Variants in SOX1 observed in about 807,000 individuals in gnomAD.
SOX1 encodes the protein transcription factor SOX-1.
A neutral mutation model predicts 0.9 loss-of-function variants in SOX1; 1 was observed. The observed-to-expected ratio is 1.07, with a 90% CI of 0.38 to 5.06. SOX1 has a LOEUF of 5.06. SOX1 is among the 30% of genes most tolerant of loss of function. The probability of loss-of-function intolerance (pLI) is 0.16; values close to 1 mark genes in which losing one functional copy is unlikely to be tolerated. For missense variants in SOX1, 564 were observed against 534.4 expected (o/e 1.06, Z -0.55); for synonymous variants, 397 against 265.5 (o/e 1.50, Z -4.81).
rs990919941 is a variant in SOX1, at chr13:112,068,229, G to T, written c.571G>T (p.Ala191Ser). Residue 191 changes from alanine to serine, a missense_variant, in exon 1 of 1, where the codon GCC (alanine) becomes TCC (serine). Transcript: ENST00000330949. This position sits in a 1 kb window ranked among gnomAD's most constrained non-coding sequence, Gnocchi z 6.9. ...GCACGTCAACGGCTGGGCCAACGGC[G>T]CCTACCCCGGCTCGGTGGCGGCGGC... is the stretch of plus-strand genomic sequence containing the variant. ...YAHVNGWANG[A>S]YPGSVAAAAA... The T allele has an allele frequency of 1.3e-6, 1 of 747,226 alleles. No individual in the cohort carries two copies. The allele number at this position is 747,226 out of a possible 1,614,324, so 46.3% of individuals were successfully genotyped here. A position where few individuals can be genotyped will look rare whatever the true frequency, so the allele number is the denominator to read the frequency against.
In SOX1 at chr13:112,071,520, C is replaced by T. The variant is rs745352809; in HGVS notation, c.*2686C>T. 6.6e-6 allele frequency among the ~76,000 whole-genome samples: 1 copy of T among 152,112 alleles called. No individual in the cohort carries two copies. The highest frequency in any genetic ancestry group is 1.5e-5 in the Non-Finnish European group (1 of 68,014). ...ATCTCAGGATTGAGATTCTATCCCC[C>T]CTTCCCCGCCCCCAGCAGTGTCGCT... On this transcript the variant is annotated 3_prime_UTR_variant, in exon 1 of 1. Transcript: ENST00000330949.
rs1290183508 is a variant in SOX1 at position 112,068,676 on chromosome 13, C to T, written c.1018C>T (p.Leu340=). The change falls in exon 1 of 1, where the codon CTG becomes TTG. Residue 340 remains leucine, a synonymous_variant. Transcript: ENST00000330949. This position sits in a 1 kb window ranked among gnomAD's most constrained non-coding sequence, Gnocchi z 6.9. ...AHSRAPCPGD[L]REMISMYLPA... Reference sequence around the variant, plus strand: ...CTCGCGGGCGCCGTGCCCCGGGGACCTGCGCGAGATGATCAGCATGTACTT... The same window carrying T: ...CTCGCGGGCGCCGTGCCCCGGGGACTTGCGCGAGATGATCAGCATGTACTT... 8.5e-7 allele frequency: 1 copy of T among 1,172,482 alleles called. No individual in the cohort carries two copies. The highest frequency in any genetic ancestry group is 1.1e-6 in the Non-Finnish European group (1 of 950,020). 72.6% of individuals were successfully genotyped at this position (1,172,482 alleles called of 1,614,324 possible).
In SOX1 at chr13:112,068,399, C is replaced by G; in HGVS notation, c.741C>G (p.His247Gln). 7.6e-7 allele frequency: 1 copy of G among 1,308,846 alleles called. No homozygotes were observed. The allele number at this position is 1,308,846 out of a possible 1,614,324, so 81.1% of individuals were successfully genotyped here. ...ACCCGCACAACCCGCAGCCCATGCA[C>G]CGCTACGACATGGGCGCGCTGCAGT... ...HAHPHNPQPM[H>Q]RYDMGALQYS... Residue 247 changes from histidine (H) to glutamine (Q), a missense_variant, in exon 1 of 1, where the codon CAC (histidine) becomes CAG (glutamine). Coordinates refer to ENST00000330949, the MANE Select transcript of SOX1 (RefSeq NM_005986.3). The surrounding 1 kb of genome is among the most constrained non-coding windows in gnomAD (Gnocchi z 6.9).
chr13:112,068,275 T>A lies in SOX1; in HGVS notation c.617T>A (p.Met206Lys). 1.2e-6 allele frequency: 1 copy of A among 826,372 alleles called. No homozygotes were observed. The highest frequency in any genetic ancestry group is 1.5e-6 in the Non-Finnish European group (1 of 680,858). 51.2% of individuals were successfully genotyped at this position (826,372 alleles called of 1,614,324 possible). A position where few individuals can be genotyped will look rare whatever the true frequency, so the allele number is the denominator to read the frequency against. The stretch of plus-strand genomic sequence containing the variant: ...GCGGCGGCGGCGGCCGCGGCCATGA[T>A]GCAGGAGGCGCAGCTGGCCTACGGG... ...VAAAAAAAAM[M>K]QEAQLAYGQH... The change falls in exon 1 of 1, where the codon ATG (methionine) becomes AAG (lysine). Residue 206 changes from methionine (M) to lysine (K), a missense_variant. Transcript: ENST00000330949. This position sits in a 1 kb window ranked among gnomAD's most constrained non-coding sequence, Gnocchi z 6.9.
In SOX1 at chr13:112,068,618, G is replaced by C; in HGVS notation, c.960G>C (p.Ser320=). 4.4e-6 allele frequency: 5 copies of C among 1,142,152 alleles called. No individual in the cohort carries two copies. The allele number at this position is 1,142,152 out of a possible 1,614,324, so 70.8% of individuals were successfully genotyped here. A position where few individuals can be genotyped will look rare whatever the true frequency, so the allele number is the denominator to read the frequency against. ...GCGCGCTGGGCTCTCTGGTGAAGTC[G>C]GAGCCCAGCGGCAGCCCGCCCGCCC... is the stretch of plus-strand genomic sequence containing the variant. ...ALGALGSLVK[S]EPSGSPPAPA... is the part of the protein sequence containing the mutation. The change falls in exon 1 of 1, where the codon TCG becomes TCC. Residue 320 remains serine, a synonymous_variant. Coordinates refer to ENST00000330949, the MANE Select transcript of SOX1 (RefSeq NM_005986.3). This position sits in a 1 kb window ranked among gnomAD's most constrained non-coding sequence, Gnocchi z 6.9.
In SOX1 at chr13:112,070,756, T is replaced by A. The variant is rs1310502002; in HGVS notation, c.*1922T>A. ...GCTGATCTGACAATTGACGTGTAAT[T>A]TGGGAAGTCATTTTGATAATTTTGC... On this transcript the variant is annotated 3_prime_UTR_variant, in exon 1 of 1. Coordinates refer to ENST00000330949, the MANE Select transcript of SOX1 (RefSeq NM_005986.3). Among the ~76,000 whole-genome samples, 1 of 152,236 alleles carries A rather than the reference T, an allele frequency of 6.6e-6. No homozygotes were observed. Among genetic ancestry groups the A allele is most frequent in the Non-Finnish European group, 1.5e-5 (1 of 68,050 alleles).
rs928031310 is a variant in SOX1 at position 112,069,423 on chromosome 13, C to CT, written c.*592dup. The CT allele has an allele frequency of 2.0e-4, 33 of 166,722 alleles. No homozygotes were observed. The Admixed American group carries it at 2.0e-3, about 10-fold the overall frequency. The allele number at this position is 166,722 out of a possible 1,614,324, so 10.3% of individuals were successfully genotyped here. On this transcript the variant is annotated 3_prime_UTR_variant, in exon 1 of 1. Coordinates refer to ENST00000330949, the MANE Select transcript of SOX1 (RefSeq NM_005986.3). ...GAGTTATATTCTGGGTTTTGTAAAA[C>CT]TTTATGTATCTGAGCATTTCCATTT...
Position 112,071,542 on chromosome 13 carries a change from C to CCA in SOX1, c.*2708_*2709insCA, listed in dbSNP as rs563517609. 3.2e-4 allele frequency among the ~76,000 whole-genome samples: 48 copies of CCA among 152,084 alleles called. No individual in the cohort carries two copies. Among genetic ancestry groups the CCA allele is most frequent in the Admixed American group, 2.9e-3 (44 of 15,280 alleles). ...CCCCCTTCCCCGCCCCCAGCAGTGT[C>CCA]GCTCCAATTCAAATTAGTGGAGAAA... is the stretch of plus-strand genomic sequence containing the variant. On this transcript the variant is annotated 3_prime_UTR_variant, in exon 1 of 1. Coordinates refer to ENST00000330949, the MANE Select transcript of SOX1 (RefSeq NM_005986.3).
At position 112,068,234 on chromosome 13, in the gene SOX1, C is replaced by G; in HGVS notation, c.576C>G (p.Tyr192Ter). 1.4e-6 allele frequency: 1 copy of G among 732,700 alleles called. No individual in the cohort carries two copies. Among genetic ancestry groups the G allele is most frequent in the Non-Finnish European group, 1.7e-6 (1 of 595,496 alleles). 45.4% of individuals were successfully genotyped at this position (732,700 alleles called of 1,614,324 possible). ...AHVNGWANGA[Y>*]PGSVAAAAAA... is the part of the protein sequence containing the mutation. Reference sequence around the variant, plus strand: ...TCAACGGCTGGGCCAACGGCGCCTACCCCGGCTCGGTGGCGGCGGCGGCGG... The same window carrying G: ...TCAACGGCTGGGCCAACGGCGCCTAGCCCGGCTCGGTGGCGGCGGCGGCGG... Residue 192 changes from tyrosine (Y) to a stop codon, truncating the protein, a stop_gained, in exon 1 of 1, where the codon TAC (tyrosine) becomes TAG (stop). Coordinates refer to ENST00000330949, the MANE Select transcript of SOX1 (RefSeq NM_005986.3). LOFTEE classifies it low-confidence loss of function (END_TRUNC). This position sits in a 1 kb window ranked among gnomAD's most constrained non-coding sequence, Gnocchi z 6.9.
In SOX1 at chr13:112,068,642, C is replaced by G; in HGVS notation, c.984C>G (p.Ala328=). ...VKSEPSGSPP[A]PAHSRAPCPG... is the part of the protein sequence containing the mutation. ...CGGAGCCCAGCGGCAGCCCGCCCGC[C>G]CCAGCGCACTCGCGGGCGCCGTGCC... is the stretch of plus-strand genomic sequence containing the variant. Residue 328 remains alanine, a synonymous_variant, in exon 1 of 1, where the codon GCC becomes GCG. Coordinates refer to ENST00000330949, the MANE Select transcript of SOX1 (RefSeq NM_005986.3). The surrounding 1 kb of genome is among the most constrained non-coding windows in gnomAD (Gnocchi z 6.9). The G allele has an allele frequency of 1.7e-6, 2 of 1,159,014 alleles. No homozygotes were observed. Among genetic ancestry groups the G allele is most frequent in the South Asian group, 4.2e-5 (1 of 23,714 alleles). The allele number at this position is 1,159,014 out of a possible 1,614,324, so 71.8% of individuals were successfully genotyped here.
In SOX1 at chr13:112,068,293, C is replaced by A; in HGVS notation, c.635C>A (p.Ala212Asp). Residue 212 changes from alanine to aspartate, a missense_variant, in exon 1 of 1, where the codon GCC (alanine) becomes GAC (aspartate). By Grantham distance (126) the Ala-to-Asp change is moderately radical (BLOSUM62 -2). Transcript: ENST00000330949. The surrounding 1 kb of genome is among the most constrained non-coding windows in gnomAD (Gnocchi z 6.9). Reference protein sequence around the residue: ...AAAMMQEAQLAYGQHPGAGGA... With the variant: ...AAAMMQEAQLDYGQHPGAGGA... ...GCCATGATGCAGGAGGCGCAGCTGG[C>A]CTACGGGCAGCACCCGGGCGCGGGC... is the stretch of plus-strand genomic sequence containing the variant. 1.0e-6 allele frequency: 1 copy of A among 974,322 alleles called. No individual in the cohort carries two copies. The allele number at this position is 974,322 out of a possible 1,614,324, so 60.4% of individuals were successfully genotyped here. A position where few individuals can be genotyped will look rare whatever the true frequency, so the allele number is the denominator to read the frequency against.
rs1880805141 is a variant in SOX1 at position 112,068,770 on chromosome 13, T to C, written c.1112T>C (p.Leu371Pro). 11 of 1,212,804 alleles carry C rather than the reference T, an allele frequency of 9.1e-6. No individual in the cohort carries two copies. In the Admixed American group the frequency reaches 1.3e-4, roughly 15 times the overall value. 75.1% of individuals were successfully genotyped at this position (1,212,804 alleles called of 1,614,324 possible). ...AAAAQSRLHS[L>P]PQHYQGAGAG... is the part of the protein sequence containing the mutation. ...GCGGCGCAGAGCCGGCTGCACTCGC[T>C]GCCGCAGCACTACCAGGGCGCGGGC... is the stretch of plus-strand genomic sequence containing the variant. The change falls in exon 1 of 1, where the codon CTG (leucine) becomes CCG (proline). Residue 371 changes from leucine (L) to proline (P), a missense_variant. Physicochemically the swap from Leu to Pro is moderately conservative, Grantham distance 98. Coordinates refer to ENST00000330949, the MANE Select transcript of SOX1 (RefSeq NM_005986.3). This position sits in a 1 kb window ranked among gnomAD's most constrained non-coding sequence, Gnocchi z 6.9.
chr13:112,068,159 C>T lies in SOX1; in HGVS notation c.501C>T (p.Gly167=), dbSNP rs1265631095. 2.1e-6 allele frequency: 2 copies of T among 975,444 alleles called. No homozygotes were observed. The highest frequency in any genetic ancestry group is 1.2e-6 in the Non-Finnish European group (1 of 807,178). The allele number at this position is 975,444 out of a possible 1,614,324, so 60.4% of individuals were successfully genotyped here. ...TGGGCGTGGGCGCGGCGGCCGTGGG[C>T]CAGCGCCTGGAGAGCCCAGGCGGCG... ...VGVGVGAAAV[G]QRLESPGGAA... is the part of the protein sequence containing the mutation. Residue 167 remains glycine, a synonymous_variant, in exon 1 of 1, where the codon GGC becomes GGT. Transcript: ENST00000330949. The surrounding 1 kb of genome is among the most constrained non-coding windows in gnomAD (Gnocchi z 6.9).
rs1467812754 is a variant in SOX1, at chr13:112,071,649, A to G, written c.*2815A>G. On this transcript the variant is annotated 3_prime_UTR_variant, in exon 1 of 1. Transcript: ENST00000330949. The stretch of plus-strand genomic sequence containing the variant: ...CATCGTATTCACGGAGTGAAATACT[A>G]TATGATGATAGTTATTATATTATAT... 6.6e-6 allele frequency among the ~76,000 whole-genome samples: 1 copy of G among 152,182 alleles called. No individual in the cohort carries two copies. Among genetic ancestry groups the G allele is most frequent in the Non-Finnish European group, 1.5e-5 (1 of 68,044 alleles).
chr13:112,068,725 C>G lies in SOX1; in HGVS notation c.1067C>G (p.Pro356Arg). ...TTGCCCGCCGGCGAGGGGGGCGACC[C>G]GGCGGCGGCAGCAGCGGCCGCGGCG... ...MYLPAGEGGD[P>R]AAAAAAAAQS... is the part of the protein sequence containing the mutation. The change falls in exon 1 of 1, where the codon CCG (proline) becomes CGG (arginine). Residue 356 changes from proline to arginine, a missense_variant. By Grantham distance (103) the Pro-to-Arg change is moderately radical. Coordinates refer to ENST00000330949, the MANE Select transcript of SOX1 (RefSeq NM_005986.3). The surrounding 1 kb of genome is among the most constrained non-coding windows in gnomAD (Gnocchi z 6.9). 8.4e-7 allele frequency: 1 copy of G among 1,186,202 alleles called. No individual in the cohort carries two copies. Among genetic ancestry groups the G allele is most frequent in the Non-Finnish European group, 1.0e-6 (1 of 959,166 alleles). 73.5% of individuals were successfully genotyped at this position (1,186,202 alleles called of 1,614,324 possible).
chr13:112,068,695 T>G lies in SOX1; in HGVS notation c.1037T>G (p.Met346Arg). The G allele has an allele frequency of 1.7e-6, 2 of 1,176,758 alleles. No homozygotes were observed. The highest frequency in any genetic ancestry group is 3.8e-5 in the East Asian group (1 of 26,506). The allele number at this position is 1,176,758 out of a possible 1,614,324, so 72.9% of individuals were successfully genotyped here. A position where few individuals can be genotyped will look rare whatever the true frequency, so the allele number is the denominator to read the frequency against. Reference protein sequence around the residue: ...CPGDLREMISMYLPAGEGGDP... With the variant: ...CPGDLREMISRYLPAGEGGDP... Reference sequence around the variant, plus strand: ...GGGGACCTGCGCGAGATGATCAGCATGTACTTGCCCGCCGGCGAGGGGGGC... The same window carrying G: ...GGGGACCTGCGCGAGATGATCAGCAGGTACTTGCCCGCCGGCGAGGGGGGC... Residue 346 changes from methionine (M) to arginine (R), a missense_variant, in exon 1 of 1, where the codon ATG becomes AGG. Coordinates refer to ENST00000330949, the MANE Select transcript of SOX1 (RefSeq NM_005986.3). The surrounding 1 kb of genome is among the most constrained non-coding windows in gnomAD (Gnocchi z 6.9).
rs781178996 is a variant in SOX1, at chr13:112,067,657, C to A, written c.-2C>A. On this transcript the variant is annotated 5_prime_UTR_variant, in exon 1 of 1. Coordinates refer to ENST00000330949, the MANE Select transcript of SOX1 (RefSeq NM_005986.3). This position sits in a 1 kb window ranked among gnomAD's most constrained non-coding sequence, Gnocchi z 5.1. The stretch of plus-strand genomic sequence containing the variant: ...GTGCCGGTGAACCCGCCAGCCGCCC[C>A]GATGTACAGCATGATGATGGAGACC... 7.8e-7 allele frequency: 1 copy of A among 1,274,758 alleles called. No homozygotes were observed. 79.0% of individuals were successfully genotyped at this position (1,274,758 alleles called of 1,614,324 possible). A position where few individuals can be genotyped will look rare whatever the true frequency, so the allele number is the denominator to read the frequency against.
rs1880775928 is a variant in SOX1 at position 112,068,150 on chromosome 13, G to A, written c.492G>A (p.Ala164=). ...AMGVGVGVGA[A]AVGQRLESPG... Reference sequence around the variant, plus strand: ...GCGTGGGCGTGGGCGTGGGCGCGGCGGCCGTGGGCCAGCGCCTGGAGAGCC... The same window carrying A: ...GCGTGGGCGTGGGCGTGGGCGCGGCAGCCGTGGGCCAGCGCCTGGAGAGCC... The change falls in exon 1 of 1, where the codon GCG becomes GCA. Residue 164 remains alanine, a synonymous_variant. Transcript: ENST00000330949. The surrounding 1 kb of genome is among the most constrained non-coding windows in gnomAD (Gnocchi z 6.9). The A allele has an allele frequency of 4.9e-6, 5 of 1,022,720 alleles. No individual in the cohort carries two copies. Among genetic ancestry groups the A allele is most frequent in the Non-Finnish European group, 5.9e-6 (5 of 843,358 alleles). 63.4% of individuals were successfully genotyped at this position (1,022,720 alleles called of 1,614,324 possible). A position where few individuals can be genotyped will look rare whatever the true frequency, so the allele number is the denominator to read the frequency against.
rs1354158797 is a variant in SOX1, at chr13:112,068,430, C to T, written c.772C>T (p.Pro258Ser). Residue 258 changes from proline to serine, a missense_variant, in exon 1 of 1, where the codon CCC becomes TCC. Physicochemically the swap from Pro to Ser is moderately conservative, Grantham distance 74. Coordinates refer to ENST00000330949, the MANE Select transcript of SOX1 (RefSeq NM_005986.3). This position sits in a 1 kb window ranked among gnomAD's most constrained non-coding sequence, Gnocchi z 6.9. ...CGACATGGGCGCGCTGCAGTACAGCCCCATCTCCAACTCGCAGGGCTACAT... is the reference window on the plus strand; with the variant it reads ...CGACATGGGCGCGCTGCAGTACAGCTCCATCTCCAACTCGCAGGGCTACAT... Reference protein sequence around the residue: ...RYDMGALQYSPISNSQGYMSA... With the variant: ...RYDMGALQYSSISNSQGYMSA... 1.6e-6 allele frequency: 2 copies of T among 1,272,762 alleles called. No homozygotes were observed. Among genetic ancestry groups the T allele is most frequent in the Non-Finnish European group, 2.0e-6 (2 of 988,476 alleles). The allele number at this position is 1,272,762 out of a possible 1,614,324, so 78.8% of individuals were successfully genotyped here.
Sources: allele counts gnomAD v4.1 joint callset (sites outside exome capture counted in the v4.1 genomes callset), GRCh38; gene constraint gnomAD v4.1.1; non-coding constraint Gnocchi (gnomAD v3.1); transcripts MANE v1.5; gene names NCBI Gene and HGNC (gene_info 2026-07-23, HGNC 2026-07-21).